The following TSPAN18 variants were observed in gnomAD, a reference collection of about 807,000 sequenced individuals.
TSPAN18 encodes tetraspanin-18.
A neutral mutation model predicts 27.3 loss-of-function variants in TSPAN18; 14 were observed. The ratio of observed to expected loss-of-function variants is 0.51; its 90% CI spans 0.34 to 0.80. TSPAN18 has a LOEUF of 0.80. TSPAN18 is among the 30% of genes least tolerant of loss of function. The pLI, the probability that TSPAN18 is intolerant of heterozygous loss-of-function variation, is 0.01. For synonymous variants in TSPAN18, 143 were observed against 136.5 expected (o/e 1.05, Z -0.33); for missense variants, 268 against 323.9 (o/e 0.83, Z 1.32).
intron 3 of TSPAN18, among the ~76,000 whole-genome samples, chr11:44,880,746 G>A (rs564448195): frequency 9.8e-5 from 15 of 152,370 alleles, no homozygotes; most frequent in Middle Eastern, 3.4e-3. Context: ...TCTGTATAAT[G>A]AAGTGGTTGG....
intron 2 of TSPAN18, among the ~76,000 whole-genome samples, chr11:44,823,199 T>C (rs996985807): frequency 2.6e-5 from 4 of 152,196 alleles, no homozygotes; most frequent in Admixed American, 1.3e-4. Flanking sequence ...GGCCTACCAC[T>C]AGAGGCACCC....
At chr11:44,867,427 C>A (rs1289526401) in intron 3 of TSPAN18, among the ~76,000 whole-genome samples, 10 of 107,850 alleles carry the variant, frequency 9.3e-5, no homozygotes, top group African/African-American at 2.9e-4. Flanking sequence ...CAGACAGAGT[C>A]TCGCTCTGTC....
intron 2 of TSPAN18, among the ~76,000 whole-genome samples, chr11:44,857,156 G>T (rs1857759857): frequency 6.6e-6 from 1 of 152,206 alleles, no homozygotes; most frequent in Non-Finnish European, 1.5e-5. Context: ...AAAGGAATCT[G>T]CTGAATTCTC....
At chr11:44,919,706 C>A in intron 7 of TSPAN18, 111 bp from the exon 8 acceptor site, 2 of 1,115,692 alleles carry the variant, frequency 1.8e-6, no homozygotes, top group Admixed American at 3.9e-5. Flanking sequence ...GGAGCCCGCC[C>A]ACACCCAGTC....
At chr11:44,781,723 T>A (rs745970991) in intron 2 of TSPAN18, among the ~76,000 whole-genome samples, 5 of 152,230 alleles carry the variant, frequency 3.3e-5, no homozygotes, top group Non-Finnish European at 7.3e-5. Context: ...TTACTGAGGT[T>A]ATCATTTATA....
intron 2 of TSPAN18, among the ~76,000 whole-genome samples, chr11:44,851,615 T>TCCCCCC (rs35373492): frequency 2.5e-4 from 31 of 122,744 alleles, no homozygotes; most frequent in Non-Finnish European, 3.6e-4. Context: ...TCTTGTCACC[T>TCCCCCC]CCCCCCCCCA....
chr11:44,834,321 G>C (rs2121273), intron 2 of TSPAN18, among the ~76,000 whole-genome samples: 68,476 of 151,728 alleles, frequency 0.45, 16,047 homozygotes, highest in East Asian at 0.78. Flanking sequence ...AAAACAAATC[G>C]CTGCCTAAGC....
At chr11:44,774,150 G>A (rs543943497) in intron 2 of TSPAN18, among the ~76,000 whole-genome samples, 5 of 152,350 alleles carry the variant, frequency 3.3e-5, no homozygotes. Context: ...TCTTCAGTAG[G>A]AAAGGTCCCT....
intron 2 of TSPAN18, among the ~76,000 whole-genome samples, chr11:44,823,398 G>A (rs12790684): frequency 0.18 from 27,336 of 152,164 alleles, 3,196 homozygotes; most frequent in Non-Finnish European, 0.26. Context: ...TCTCTCCCCC[G>A]AAGTCGGGTG....
intron 1 of TSPAN18, among the ~76,000 whole-genome samples, chr11:44,745,395 A>G (rs1459034509): frequency 6.6e-6 from 1 of 152,238 alleles, no homozygotes; most frequent in African/African-American, 2.4e-5. Context: ...GGCTCTAATG[A>G]GCTCACAGAG....
intron 8 of TSPAN18, among the ~76,000 whole-genome samples, chr11:44,924,896 T>TA (rs1554941459): frequency 6.6e-6 from 1 of 152,196 alleles, no homozygotes; most frequent in African/African-American, 2.4e-5. Flanking sequence ...GTATAATTTT[T>TA]AAAAAACTCG....
At chr11:44,761,792 A>T (rs1855460852) in intron 1 of TSPAN18, among the ~76,000 whole-genome samples, 1 of 152,194 alleles carries the variant, frequency 6.6e-6, no homozygotes, top group Non-Finnish European at 1.5e-5. Context: ...GGAGCTCATA[A>T]AAGCTCATTA....
intron 1 of TSPAN18, among the ~76,000 whole-genome samples, chr11:44,761,907 A>G (rs1270133956): frequency 6.6e-6 from 1 of 152,168 alleles, no homozygotes; most frequent in Non-Finnish European, 1.5e-5. Flanking sequence ...CAAGTCCCAC[A>G]CGCCTCCCTT....
At chr11:44,884,129 C>G (rs1038437768) in intron 3 of TSPAN18, among the ~76,000 whole-genome samples, 1 of 152,134 alleles carries the variant, frequency 6.6e-6, no homozygotes, top group African/African-American at 2.4e-5. Context: ...CTCCAGCCTC[C>G]CTGCCCCTTC....
intron 2 of TSPAN18, among the ~76,000 whole-genome samples, chr11:44,813,824 G>A (rs950921850): frequency 2.6e-5 from 4 of 152,194 alleles, no homozygotes; most frequent in African/African-American, 9.7e-5. Flanking sequence ...GCTGAGCTGA[G>A]CAGCACAGAG....
In TSPAN18 at chr11:44,813,172, G is replaced by A. The variant is rs562465261; in HGVS notation, c.-152-47156G>A. Among the ~76,000 whole-genome samples the A allele has an allele frequency of 1.7e-4, 26 of 152,310 alleles. No individual in the cohort carries two copies. In the East Asian group the frequency reaches 3.7e-3, roughly 22 times the overall value. On this transcript the variant is annotated intron_variant, in intron 2 of 9. Transcript: ENST00000520358. ...TCTGTCTCCTGCAGGCCAGGCACCC[G>A]GTCAGGCTGCTTCTGGAGAGATGAC...
At chr11:44,852,087 C>T (rs957088505) in intron 2 of TSPAN18, among the ~76,000 whole-genome samples, 1 of 152,216 alleles carries the variant, frequency 6.6e-6, no homozygotes, top group African/African-American at 2.4e-5. Context: ...ATATCACTTA[C>T]TGCCTTCTAC....
intron 3 of TSPAN18, among the ~76,000 whole-genome samples, chr11:44,899,858 G>C (rs180726371): frequency 6.6e-6 from 1 of 152,194 alleles, no homozygotes; most frequent in East Asian, 1.9e-4. Context: ...CTTTAGCTCA[G>C]GGAAATTGGG....
chr11:44,762,929 G>A (rs527410469), intron 1 of TSPAN18, among the ~76,000 whole-genome samples: 3 of 152,222 alleles, frequency 2.0e-5, no homozygotes, highest in East Asian at 3.9e-4. Context: ...TGAGGCGAAC[G>A]TGATAACCAC....
Sources: gnomAD v4.1 joint callset for allele counts (sites outside exome capture counted in the v4.1 genomes callset) on GRCh38, gnomAD v4.1.1 for gene constraint, MANE v1.5 for transcripts, NCBI Gene and HGNC (gene_info 2026-07-23, HGNC 2026-07-21) for gene names.